TRPC1: variants seen among roughly 807,000 people sequenced by gnomAD.
TRPC1 encodes the protein short transient receptor potential channel 1.
Under a neutral mutation model 88.2 loss-of-function variants are expected in TRPC1, and 42 were observed. That is an observed-to-expected ratio of 0.48 (90% CI 0.37 to 0.62). TRPC1 has a LOEUF of 0.62. TRPC1 is among the 20% of genes least tolerant of loss of function. The pLI, the probability that TRPC1 is intolerant of heterozygous loss-of-function variation, is 0.00. For missense variants in TRPC1, 699 were observed against 957.3 expected, an observed-to-expected ratio of 0.73 and a Z score of 3.56; for synonymous variants, 288 against 331.8, an observed-to-expected ratio of 0.87 and a Z score of 1.43.
rs564415840 is a variant in TRPC1 at position 142,807,697 on chromosome 3, C to T, written c.*1462C>T. ...ATTGTAAAGTTATATATTTTGTCTA[C>T]GATGGGATTATGCACTTCCCAATTG... On this transcript the variant is annotated 3_prime_UTR_variant, in exon 13 of 13. Transcript: ENST00000476941. The T allele has an allele frequency of 6.6e-5, 10 of 152,194 alleles. No individual in the cohort carries two copies. The highest frequency in any genetic ancestry group is 1.2e-4 in the African/African-American group (5 of 41,514). 9.4% of individuals were successfully genotyped at this position (152,194 alleles called of 1,614,324 possible).
chr3:142,752,216 C>T (rs993063918), intron 4 of TRPC1, among the ~76,000 whole-genome samples: 2 of 152,324 alleles, frequency 1.3e-5, no homozygotes, highest in East Asian at 3.9e-4. Flanking sequence ...TGAGTTCCCT[C>T]AGTTTTTATT....
At chr3:142,805,172 AT>A (rs1468786234) in intron 12 of TRPC1, among the ~76,000 whole-genome samples, 1 of 150,050 alleles carries the variant, frequency 6.7e-6, no homozygotes, top group Non-Finnish European at 1.5e-5. Context: ...ACACACACAT[AT>A]AATTATTAAG....
chr3:142,746,488 TAA>T (rs969536400), intron 3 of TRPC1, among the ~76,000 whole-genome samples: 4 of 152,154 alleles, frequency 2.6e-5, no homozygotes, highest in Admixed American at 1.3e-4. Flanking sequence ...TAATTTTAAA[TAA>T]AGTCATTAAT....
intron 12 of TRPC1, 79 bp downstream of exon 12, chr3:142,804,709 T>C: frequency 7.1e-7 from 1 of 1,401,968 alleles, no homozygotes; most frequent in Non-Finnish European, 9.7e-7. Flanking sequence ...AGCGTAAGTA[T>C]GCAGGTTCCC....
intron 9 of TRPC1, among the ~76,000 whole-genome samples, chr3:142,798,473 G>T (rs1936518971): frequency 1.3e-5 from 2 of 152,180 alleles, no homozygotes; most frequent in Non-Finnish European, 2.9e-5. Context: ...TAGCCGGAGA[G>T]AGTCAGGAAG....
chr3:142,807,707 A>T lies in TRPC1; in HGVS notation c.*1472A>T, dbSNP rs1426028189. On this transcript the variant is annotated 3_prime_UTR_variant, in exon 13 of 13. Transcript: ENST00000476941. ...TATATATTTTGTCTACGATGGGATT[A>T]TGCACTTCCCAATTGGGATTTTACA... The T allele has an allele frequency of 6.6e-6, 1 of 152,222 alleles. No homozygotes were observed. Among genetic ancestry groups the T allele is most frequent in the Non-Finnish European group, 1.5e-5 (1 of 68,034 alleles). 9.4% of individuals were successfully genotyped at this position (152,222 alleles called of 1,614,324 possible).
At chr3:142,805,789 AT>A (rs1270262345) in intron 12 of TRPC1, among the ~76,000 whole-genome samples, 1 of 152,166 alleles carries the variant, frequency 6.6e-6, no homozygotes, top group Non-Finnish European at 1.5e-5. Context: ...CCTAAGACTA[AT>A]TTTTTTCAAT....
intron 7 of TRPC1, among the ~76,000 whole-genome samples, chr3:142,790,339 GT>G (rs1936257574): frequency 6.6e-6 from 1 of 152,138 alleles, no homozygotes; most frequent in African/African-American, 2.4e-5. Flanking sequence ...GTAAAGACTG[GT>G]TTTGATTCTG....
At chr3:142,793,825 A>T (rs1198148271) in intron 9 of TRPC1, 1 of 980,974 alleles carries the variant, frequency 1.0e-6, no homozygotes, top group African/African-American at 1.8e-5. Context: ...AGGCATAATT[A>T]CCTTCTCCAA....
intron 4 of TRPC1, among the ~76,000 whole-genome samples, chr3:142,771,521 C>G (rs1380950575): frequency 6.6e-6 from 1 of 152,092 alleles, no homozygotes; most frequent in East Asian, 1.9e-4. Flanking sequence ...GAAAATGTTA[C>G]TCCTATACAT....
At position 142,724,671 on chromosome 3, in the gene TRPC1, C is replaced by G. The variant is rs749313892; in HGVS notation, c.112C>G (p.Arg38Gly). Residue 38 changes from arginine (R) to glycine (G), a missense_variant, in exon 1 of 13, where the codon CGG becomes GGG. Arg to Gly is a moderately radical substitution (Grantham distance 125). Around this residue, in one of 4 missense-constraint regions of TRPC1, gnomAD observed 157 missense variants for 127.0 expected, o/e 1.24. Transcript: ENST00000476941. This position sits in a 1 kb window ranked among gnomAD's most constrained non-coding sequence, Gnocchi z 5.6. Reference protein sequence around the residue: ...PNEVMALKDVREVKEENTLNE... With the variant: ...PNEVMALKDVGEVKEENTLNE... Reference sequence around the variant, plus strand: ...CGAGGTGATGGCGCTGAAGGATGTGCGGGAGGTGAAGGAGGAGAATACGCT... The same window carrying G: ...CGAGGTGATGGCGCTGAAGGATGTGGGGGAGGTGAAGGAGGAGAATACGCT... The G allele has an allele frequency of 6.2e-7, 1 of 1,612,110 alleles. No individual in the cohort carries two copies. The highest frequency in any genetic ancestry group is 2.2e-5 in the East Asian group (1 of 44,636).
At chr3:142,773,291 C>T (rs1240179481) in intron 4 of TRPC1, among the ~76,000 whole-genome samples, 5 of 151,936 alleles carry the variant, frequency 3.3e-5, no homozygotes, top group Non-Finnish European at 1.5e-5. Flanking sequence ...CAGCTCACTG[C>T]AACCTTCACC....
chr3:142,800,466 C>T (rs1936584956), intron 9 of TRPC1, among the ~76,000 whole-genome samples: 1 of 152,116 alleles, frequency 6.6e-6, no homozygotes, highest in South Asian at 2.1e-4. Context: ...GGCCAGTTGC[C>T]TGTGGCTACC....
chr3:142,747,713 G>A (rs919353944), intron 3 of TRPC1, among the ~76,000 whole-genome samples: 2 of 152,204 alleles, frequency 1.3e-5, no homozygotes, highest in Non-Finnish European at 2.9e-5. Flanking sequence ...ATAGTAGGAA[G>A]TAGTATATGT....
chr3:142,742,510 T>A (rs141392814), intron 2 of TRPC1, among the ~76,000 whole-genome samples: 2 of 152,300 alleles, frequency 1.3e-5, no homozygotes, highest in African/African-American at 4.8e-5. Context: ...TAGTTCTATT[T>A]TTTACATCCA....
chr3:142,738,796 G>C (rs994119913), intron 2 of TRPC1, among the ~76,000 whole-genome samples: 1 of 152,044 alleles, frequency 6.6e-6, no homozygotes, highest in Non-Finnish European at 1.5e-5. Context: ...TATCAAGAAA[G>C]ATTTCATTGG....
chr3:142,803,903 T>G, intron 10 of TRPC1, 74 bp from the exon 11 acceptor site: 1 of 1,406,854 alleles, frequency 7.1e-7, no homozygotes, highest in Non-Finnish European at 9.8e-7. Flanking sequence ...TAAATAATTT[T>G]GATATAAACA....
intron 9 of TRPC1, among the ~76,000 whole-genome samples, chr3:142,798,179 T>G (rs1304707603): frequency 6.6e-6 from 1 of 152,124 alleles, no homozygotes; most frequent in Non-Finnish European, 1.5e-5. Flanking sequence ...TGATGCAGCA[T>G]TTGACTATAT....
At chr3:142,766,116 T>C (rs894471119) in intron 4 of TRPC1, among the ~76,000 whole-genome samples, 18 of 152,292 alleles carry the variant, frequency 1.2e-4, no homozygotes, top group African/African-American at 4.3e-4. Flanking sequence ...TATAACTCTG[T>C]ACTGATTACT....
Sources: gnomAD v4.1 joint callset for allele counts (sites outside exome capture counted in the v4.1 genomes callset) on GRCh38, gnomAD v4.1.1 for gene constraint, gnomAD v4.1.1 regional missense constraint, Gnocchi (gnomAD v3.1) non-coding constraint, MANE v1.5 for transcripts, NCBI Gene and HGNC (gene_info 2026-07-23, HGNC 2026-07-21) for gene names.